Variants in CHN1 observed in about 807,000 individuals in gnomAD.
The protein encoded by CHN1 is chimerin 1.
Under a neutral mutation model 59.5 loss-of-function variants are expected in CHN1, and 37 were observed. The observed-to-expected ratio is 0.62, with a 90% CI of 0.48 to 0.82. The LOEUF (loss-of-function observed/expected upper bound fraction) is 0.82, where lower values mean the gene tolerates loss of function less well. CHN1 is among the 40% of genes least tolerant of loss of function. The probability of loss-of-function intolerance (pLI) is 0.00; values close to 1 mark genes in which losing one functional copy is unlikely to be tolerated. For synonymous variants in CHN1, 206 were observed against 200.4 expected (o/e 1.03, Z -0.24); for missense variants, 469 against 571.0 (o/e 0.82, Z 1.82).
rs187482682 is a variant in CHN1 at position 174,878,094 on chromosome 2, A to G, written c.295T>C (p.Tyr99His). The change falls in exon 6 of 13, where the codon TAC becomes CAC. Residue 99 changes from tyrosine (Y) to histidine (H), a missense_variant. Tyr to His is a moderately conservative substitution (Grantham distance 83). Around this residue, in one of 5 missense-constraint regions of CHN1, gnomAD observed 152 missense variants for 166.1 expected, o/e 0.92. Coordinates refer to ENST00000409900, the MANE Select transcript of CHN1 (RefSeq NM_001822.7). ...GSQTRNFRLYYDGKHFVGEKR... is the reference protein window; with the variant it reads ...GSQTRNFRLYHDGKHFVGEKR... ...TCCCCAACAAAGTGCTTGCCATCGTAGTAGAGCCTGAAGTTTCTGGTTTGA... is the reference window on the plus strand; with the variant it reads ...TCCCCAACAAAGTGCTTGCCATCGTGGTAGAGCCTGAAGTTTCTGGTTTGA... The G allele has an allele frequency of 1.8e-5, 29 of 1,590,064 alleles. No individual in the cohort carries two copies. In the Admixed American group the frequency reaches 4.2e-4, roughly 23 times the overall value.
At position 174,986,664 on chromosome 2, in the gene CHN1, T is replaced by G. The variant is rs538363311; in HGVS notation, c.19+18230A>C. On this transcript the variant is annotated intron_variant, in intron 1 of 12. Transcript: ENST00000409900. ...CTCCTCTTCTTCAGTCTACTCAACA[T>G]GAAGACAACAAAGATGAAGACATTT... Among the ~76,000 whole-genome samples the G allele has an allele frequency of 4.6e-5, 7 of 152,362 alleles. No homozygotes were observed. The South Asian group carries it at 1.4e-3, about 32-fold the overall frequency.
chr2:174,842,294 G>A (rs1347295801), intron 7 of CHN1, among the ~76,000 whole-genome samples: 1 of 150,292 alleles, frequency 6.7e-6, no homozygotes, highest in Non-Finnish European at 1.5e-5. Context: ...GATAGACACT[G>A]TTTCTGAATA....
intron 6 of CHN1, among the ~76,000 whole-genome samples, chr2:174,861,603 G>A (rs781583328): frequency 2.0e-5 from 3 of 152,178 alleles, no homozygotes; most frequent in African/African-American, 7.2e-5. Context: ...GCAGGTCAGA[G>A]GTGCTAACAA....
At chr2:174,803,126 T>C (rs933733604) in intron 11 of CHN1, among the ~76,000 whole-genome samples, 14 of 152,226 alleles carry the variant, frequency 9.2e-5, no homozygotes, top group Middle Eastern at 6.8e-3. Context: ...GGCCTTGAAA[T>C]GCTAGGAAGA....
At chr2:174,891,774 T>G (rs964029611) in intron 5 of CHN1, among the ~76,000 whole-genome samples, 3 of 151,780 alleles carry the variant, frequency 2.0e-5, no homozygotes, top group Admixed American at 2.0e-4. Context: ...ATAGCAGTGA[T>G]TAGAGCTGAA....
At chr2:174,860,711 G>A (rs188616947) in intron 6 of CHN1, among the ~76,000 whole-genome samples, 211 of 152,210 alleles carry the variant, frequency 1.4e-3, no homozygotes, top group Non-Finnish European at 2.0e-3. Flanking sequence ...TTTTTGCACC[G>A]TATTTTTGTC....
chr2:174,970,779 C>T (rs1690734402), intron 1 of CHN1, among the ~76,000 whole-genome samples: 1 of 152,152 alleles, frequency 6.6e-6, no homozygotes, highest in Admixed American at 6.6e-5. Flanking sequence ...TAAAAAACTA[C>T]CACTTGTCAA....
intron 5 of CHN1, among the ~76,000 whole-genome samples, chr2:174,892,209 A>C (rs527283915): frequency 2.6e-5 from 4 of 152,334 alleles, no homozygotes; most frequent in African/African-American, 9.6e-5. Flanking sequence ...AACTCTTCTA[A>C]AAATTTGAAG....
chr2:174,875,733 C>A, intron 6 of CHN1: 1 of 779,754 alleles, frequency 1.3e-6, no homozygotes, highest in Non-Finnish European at 1.6e-6. Context: ...TTTATTAAAC[C>A]ATACTAGTGT....
At chr2:174,809,106 G>A in intron 10 of CHN1, 64 bp from the exon 11 acceptor site, 1 of 1,391,574 alleles carries the variant, frequency 7.2e-7, no homozygotes, top group Non-Finnish European at 9.9e-7. Context: ...TTTAATGAAT[G>A]ACATATCTGT....
intron 1 of CHN1, among the ~76,000 whole-genome samples, chr2:174,981,838 C>T (rs1661527430): frequency 6.6e-6 from 1 of 152,012 alleles, no homozygotes; most frequent in Admixed American, 6.6e-5. Context: ...GGTACATGTG[C>T]ACAACGTGCA....
chr2:174,857,523 TATATAA>T (rs1414432140), intron 6 of CHN1, among the ~76,000 whole-genome samples: 1 of 152,160 alleles, frequency 6.6e-6, no homozygotes, highest in African/African-American at 2.4e-5. Context: ...TATGCAACAA[TATATAA>T]ATATAAACGA....
At chr2:174,996,375 G>T (rs1014103384) in intron 1 of CHN1, among the ~76,000 whole-genome samples, 2 of 152,142 alleles carry the variant, frequency 1.3e-5, no homozygotes, top group Admixed American at 6.5e-5. Context: ...CTTGTTAAAT[G>T]GAGAAATTGT....
chr2:174,856,552 AAAC>A (rs1238694505), intron 6 of CHN1, among the ~76,000 whole-genome samples: 1 of 152,192 alleles, frequency 6.6e-6, no homozygotes, highest in Non-Finnish European at 1.5e-5. Flanking sequence ...CTCTTTCAAG[AAAC>A]AATAGAAATA....
chr2:174,931,658 T>C (rs1689351147), intron 3 of CHN1, among the ~76,000 whole-genome samples: 2 of 152,146 alleles, frequency 1.3e-5, no homozygotes, highest in African/African-American at 4.8e-5. Context: ...AACTATATAG[T>C]ATGTAACAAA....
At chr2:174,898,059 G>A (rs1386320732) in intron 5 of CHN1, among the ~76,000 whole-genome samples, 1 of 152,076 alleles carries the variant, frequency 6.6e-6, no homozygotes, top group Non-Finnish European at 1.5e-5. Flanking sequence ...TTACCTTACT[G>A]GTAGGAGTGA....
At chr2:174,848,496 A>C (rs975956362) in intron 6 of CHN1, among the ~76,000 whole-genome samples, 3 of 152,168 alleles carry the variant, frequency 2.0e-5, no homozygotes, top group Non-Finnish European at 4.4e-5. Context: ...ATAATAATTA[A>C]GTTAAACCAA....
intron 12 of CHN1, 129 bp downstream of exon 12, chr2:174,801,578 A>G (rs4327209): frequency 0.036 from 22,896 of 633,658 alleles, 1,268 homozygotes; most frequent in East Asian, 0.14. Context: ...CAATTTCACA[A>G]AAGACAATAT....
intron 8 of CHN1, among the ~76,000 whole-genome samples, chr2:174,818,769 A>ATTAC (rs924862821): frequency 2.6e-5 from 4 of 152,150 alleles, no homozygotes; most frequent in Non-Finnish European, 4.4e-5. Context: ...AAATATTTCT[A>ATTAC]TTACTTAGAC....
Sources: gnomAD v4.1 joint callset for allele counts (sites outside exome capture counted in the v4.1 genomes callset) on GRCh38, gnomAD v4.1.1 for gene constraint, gnomAD v4.1.1 regional missense constraint, MANE v1.5 for transcripts, NCBI Gene and HGNC (gene_info 2026-07-23, HGNC 2026-07-21) for gene names.